The following PKHD1 variants were observed in gnomAD, a reference collection of about 807,000 sequenced individuals.
The protein encoded by PKHD1 is fibrocystin.
Under a neutral mutation model 412.0 loss-of-function variants are expected in PKHD1, and 291 were observed. That is an observed-to-expected ratio of 0.71 (90% CI 0.64 to 0.78). The LOEUF (loss-of-function observed/expected upper bound fraction) is 0.78. PKHD1 is among the 30% of genes least tolerant of loss of function. PKHD1 has a pLI of 0.00. For missense variants in PKHD1, 4,825 were observed against 4,950.7 expected, an observed-to-expected ratio of 0.97 and a Z score of 0.76; for synonymous variants, 1,777 against 1,821.5, an observed-to-expected ratio of 0.98 and a Z score of 0.62.
rs1471974168 is a variant in PKHD1, at chr6:52,043,046, A to G, written c.2910T>C (p.Ser970=). The G allele has an allele frequency of 6.2e-7, 1 of 1,613,964 alleles. No homozygotes were observed. Among genetic ancestry groups the G allele is most frequent in the East Asian group, 2.2e-5 (1 of 44,880 alleles). Residue 970 remains serine, a synonymous_variant, in exon 27 of 67, where the codon AGT becomes AGC. Coordinates refer to ENST00000371117, the MANE Select transcript of PKHD1 (RefSeq NM_138694.4). ...QFLQVTVNKT[S]CKVIFSNQTN... ...TCTGGTTTGAGAAAATAACTTTGCA[A>G]CTCGTTTTGTTCACTGTAACCTGCA...
At chr6:51,942,150 C>T (rs944678452) in intron 36 of PKHD1, among the ~76,000 whole-genome samples, 1 of 151,424 alleles carries the variant, frequency 6.6e-6, no homozygotes, top group African/African-American at 2.4e-5. Context: ...AAATCCTTTC[C>T]CCACTCCTCT....
chr6:51,667,988 C>T (rs1297918891), intron 60 of PKHD1, among the ~76,000 whole-genome samples: 1 of 152,086 alleles, frequency 6.6e-6, no homozygotes, highest in Non-Finnish European at 1.5e-5. Flanking sequence ...GTGATGCCTC[C>T]AGCTTTGTTC....
chr6:51,872,492 T>C (rs1213992608), intron 46 of PKHD1, among the ~76,000 whole-genome samples: 1 of 152,048 alleles, frequency 6.6e-6, no homozygotes, highest in Non-Finnish European at 1.5e-5. Context: ...CACTGCAACC[T>C]CTGCTTCCTG....
At chr6:52,063,821 A>G (rs1809075906) in intron 13 of PKHD1, among the ~76,000 whole-genome samples, 1 of 152,230 alleles carries the variant, frequency 6.6e-6, no homozygotes, top group African/African-American at 2.4e-5. Context: ...TTTCCATAGT[A>G]ATTCGCCCAG....
intron 60 of PKHD1, chr6:51,721,428 A>G (rs1365498420): frequency 3.4e-6 from 2 of 590,548 alleles, no homozygotes; most frequent in African/African-American, 4.1e-5. Flanking sequence ...ATAATATCTC[A>G]ATATAATTGG....
At chr6:51,698,361 AT>A (rs1301387212) in intron 60 of PKHD1, among the ~76,000 whole-genome samples, 1 of 152,218 alleles carries the variant, frequency 6.6e-6, no homozygotes, top group East Asian at 1.9e-4. Flanking sequence ...ACAAAATTAT[AT>A]TTTAAAAGTA....
chr6:51,906,110 G>T, intron 41 of PKHD1, 105 bp downstream of exon 41: 2 of 955,064 alleles, frequency 2.1e-6, no homozygotes, highest in Non-Finnish European at 3.3e-6. Context: ...TGATCATAAA[G>T]CCAATATTTT....
chr6:51,847,942 G>A lies in PKHD1; in HGVS notation c.7940C>T (p.Pro2647Leu), dbSNP rs1448998543. ...GTGCACCAGCAGTAGGTAATTACCA[G>A]GAGCAAAGTTGTCAAAGGTTGCTGA... Reference protein sequence around the residue: ...QYSATFDNFAPGNYLLLVHTD... With the variant: ...QYSATFDNFALGNYLLLVHTD... The change falls in exon 50 of 67, where the codon CCT becomes CTT. Residue 2647 changes from proline (P) to leucine (L), a missense_variant. Transcript: ENST00000371117. 6.2e-7 allele frequency: 1 copy of A among 1,613,846 alleles called. No homozygotes were observed. Among genetic ancestry groups the A allele is most frequent in the African/African-American group, 1.3e-5 (1 of 74,910 alleles).
chr6:51,989,636 AT>A (rs1796629026), intron 35 of PKHD1, among the ~76,000 whole-genome samples: 1 of 151,818 alleles, frequency 6.6e-6, no homozygotes, highest in African/African-American at 2.4e-5. Context: ...TTTTGTTATT[AT>A]TTTTCACTCG....
At chr6:51,934,029 A>G in intron 37 of PKHD1, 81 bp downstream of exon 37, 1 of 1,100,160 alleles carries the variant, frequency 9.1e-7, no homozygotes, top group Non-Finnish European at 1.4e-6. Context: ...AACTATAGTC[A>G]AGGACTTTTA....
intron 55 of PKHD1, among the ~76,000 whole-genome samples, chr6:51,770,016 AT>A (rs1437401461): frequency 7.0e-6 from 1 of 143,328 alleles, no homozygotes; most frequent in Non-Finnish European, 1.5e-5. Flanking sequence ...ATTAAAATTT[AT>A]TAAGGTAATT....
chr6:51,721,345 A>G (rs2150826575), intron 60 of PKHD1: 1 of 583,968 alleles, frequency 1.7e-6, no homozygotes, highest in East Asian at 1.4e-4. Flanking sequence ...TAGTATTAGT[A>G]TATTATTGAT....
intron 53 of PKHD1, among the ~76,000 whole-genome samples, chr6:51,780,618 A>G (rs983733396): frequency 2.0e-5 from 3 of 152,174 alleles, no homozygotes; most frequent in African/African-American, 7.2e-5. Flanking sequence ...ATATCATAAA[A>G]AAGAAATAAA....
Position 51,738,587 on chromosome 6 carries a change from T to C in PKHD1, c.10156+5798A>G, listed in dbSNP as rs188894667. ...TGCTTCACTATAGTAGTCATTTTAC[T>C]ATGTGTAAGAGTATCAAAACATCAT... On this transcript the variant is annotated intron_variant, in intron 60 of 66. Coordinates refer to ENST00000371117, the MANE Select transcript of PKHD1 (RefSeq NM_138694.4). 2.9e-3 allele frequency among the ~76,000 whole-genome samples: 438 copies of C among 152,374 alleles called. 3 individuals are homozygous for C. The highest frequency in any genetic ancestry group is 0.01 in the Middle Eastern group (3 of 294).
chr6:51,726,232 A>T (rs149932934), intron 60 of PKHD1, among the ~76,000 whole-genome samples: 131 of 152,350 alleles, frequency 8.6e-4, no homozygotes, highest in African/African-American at 2.9e-3. Flanking sequence ...TCTAATGCTT[A>T]AATTCCGGTT....
chr6:51,847,686 C>T lies in PKHD1; in HGVS notation c.8107+89G>A, dbSNP rs1771445911. On this transcript the variant is annotated intron_variant, in intron 50 of 66. Coordinates refer to ENST00000371117, the MANE Select transcript of PKHD1 (RefSeq NM_138694.4). The stretch of plus-strand genomic sequence containing the variant: ...ACAGCTGTCCCTTTCAGTTCCTCAG[C>T]ACTTCACAGCACAAATGTCTGGAAT... 1.0e-5 allele frequency: 10 copies of T among 955,112 alleles called. No homozygotes were observed. The South Asian group carries it at 1.3e-4, about 12-fold the overall frequency. 59.2% of individuals were successfully genotyped at this position (955,112 alleles called of 1,614,324 possible). A position where few individuals can be genotyped will look rare whatever the true frequency, so the allele number is the denominator to read the frequency against.
chr6:51,718,576 A>C (rs1781539910), intron 60 of PKHD1, among the ~76,000 whole-genome samples: 1 of 152,162 alleles, frequency 6.6e-6, no homozygotes, highest in African/African-American at 2.4e-5. Flanking sequence ...GATATTACTG[A>C]TGAGATCTGA....
chr6:51,638,209 A>T (rs1481102281), intron 64 of PKHD1, among the ~76,000 whole-genome samples: 2 of 152,096 alleles, frequency 1.3e-5, no homozygotes, highest in Non-Finnish European at 2.9e-5. Flanking sequence ...TTATTTCAAC[A>T]TTTCTTCCCT....
At position 51,732,770 on chromosome 6, in the gene PKHD1, C is replaced by T. The variant is rs538742016; in HGVS notation, c.10156+11615G>A. On this transcript the variant is annotated intron_variant, in intron 60 of 66. Transcript: ENST00000371117. ...AAAATAGAACTATCACATGACCTTG[C>T]TATTTCACTTCTGGATCTATACCCA... 5.2e-4 allele frequency among the ~76,000 whole-genome samples: 79 copies of T among 152,294 alleles called. No individual in the cohort carries two copies. The Middle Eastern group carries it at 0.01, about 20-fold the overall frequency.
Sources: allele counts gnomAD v4.1 joint callset (sites outside exome capture counted in the v4.1 genomes callset), GRCh38; gene constraint gnomAD v4.1.1; transcripts MANE v1.5; gene names NCBI Gene and HGNC (gene_info 2026-07-23, HGNC 2026-07-21).